The following COL4A2 variants were observed in gnomAD, a reference collection of about 807,000 sequenced individuals.
COL4A2 encodes collagen alpha-2(IV) chain.
A neutral mutation model predicts 200.2 loss-of-function variants in COL4A2; 99 were observed. That is an observed-to-expected ratio of 0.49 (90% CI 0.42 to 0.58). The LOEUF (loss-of-function observed/expected upper bound fraction) is 0.58, where lower values mean the gene tolerates loss of function less well. Among genes scored for constraint, COL4A2 ranks in the 20% least tolerant of loss-of-function variants. The pLI is 0.00. For synonymous variants in COL4A2, 897 were observed against 900.6 expected (o/e 1.00, Z 0.07); for missense variants, 1,950 against 2,314.1 (o/e 0.84, Z 3.23).
intron 4 of COL4A2, among the ~76,000 whole-genome samples, chr13:110,384,924 C>T (rs769897267): frequency 2.0e-5 from 3 of 152,174 alleles, no homozygotes; most frequent in Non-Finnish European, 4.4e-5. Flanking sequence ...GATGAGGGTA[C>T]ACTGTAGGGA....
At position 110,438,001 on chromosome 13, in the gene COL4A2, G is replaced by C; in HGVS notation, c.826-1G>C. ...TTTCTTATTTTTCATATTCTTCACA[G>C]GGTGAAAAAGGCAGTGAGGGGGAAC... On this transcript the variant is annotated splice_acceptor_variant, in intron 13 of 47. Transcript: ENST00000360467. LOFTEE classifies it high-confidence loss of function. 1.2e-6 allele frequency: 2 copies of C among 1,612,194 alleles called. No homozygotes were observed. Among genetic ancestry groups the C allele is most frequent in the Non-Finnish European group, 1.7e-6 (2 of 1,178,482 alleles).
chr13:110,485,601 G>C (rs1883092531), intron 33 of COL4A2, 54 bp from the exon 34 acceptor site: 1 of 1,432,806 alleles, frequency 7.0e-7, no homozygotes, highest in Non-Finnish European at 9.5e-7. Flanking sequence ...TTGAAAACTG[G>C]AGGGCGGGTG....
chr13:110,441,747 AAATTAT>A (rs1420848057), intron 16 of COL4A2, among the ~76,000 whole-genome samples: 2 of 152,152 alleles, frequency 1.3e-5, no homozygotes, highest in Non-Finnish European at 2.9e-5. Flanking sequence ...TGTGCTGGTA[AAATTAT>A]AATTATCTTT....
At chr13:110,386,550 G>T (rs1878760031) in intron 4 of COL4A2, among the ~76,000 whole-genome samples, 1 of 152,158 alleles carries the variant, frequency 6.6e-6, no homozygotes. Context: ...GTTTTATGTG[G>T]AGTTTATAAG....
chr13:110,485,785 G>C lies in COL4A2; in HGVS notation c.3156G>C (p.Gly1052=). 6.2e-7 allele frequency: 1 copy of C among 1,613,898 alleles called. No individual in the cohort carries two copies. Among genetic ancestry groups the C allele is most frequent in the Non-Finnish European group, 8.5e-7 (1 of 1,179,940 alleles). Residue 1052 remains glycine, a synonymous_variant, in exon 34 of 48, where the codon GGG becomes GGC. Transcript: ENST00000360467. ...TCCCCGGTTTGCCAGGATTCCCTGGGGTGGCTGGCCCCCCTGGAATTACGG... is the reference window on the plus strand; with the variant it reads ...TCCCCGGTTTGCCAGGATTCCCTGGCGTGGCTGGCCCCCCTGGAATTACGG... ...PGIPGLPGFP[G]VAGPPGITGF...
chr13:110,465,280 C>T, intron 24 of COL4A2, 125 bp from the exon 25 acceptor site: 1 of 1,261,438 alleles, frequency 7.9e-7, no homozygotes, highest in Non-Finnish European at 1.1e-6. Flanking sequence ...TCCTGTTCAT[C>T]TCTGTTGTCT....
At chr13:110,327,483 G>C (rs1195625448) in intron 3 of COL4A2, among the ~76,000 whole-genome samples, 3 of 152,216 alleles carry the variant, frequency 2.0e-5, no homozygotes, top group Non-Finnish European at 4.4e-5. Context: ...ATATAACTCT[G>C]CATTTTACAT....
chr13:110,362,051 C>T (rs1877539300), intron 4 of COL4A2, among the ~76,000 whole-genome samples: 1 of 152,162 alleles, frequency 6.6e-6, no homozygotes, highest in Admixed American at 6.5e-5. Flanking sequence ...ACTCCTCTTC[C>T]CATATGTCAG....
intron 3 of COL4A2, among the ~76,000 whole-genome samples, chr13:110,331,590 C>T (rs376628395): frequency 1.1e-4 from 16 of 152,252 alleles, no homozygotes; most frequent in African/African-American, 2.2e-4. Flanking sequence ...CACAGACCGC[C>T]GGCAGCTCTT....
At chr13:110,412,626 C>A (rs1304441148) in intron 4 of COL4A2, among the ~76,000 whole-genome samples, 1 of 152,244 alleles carries the variant, frequency 6.6e-6, no homozygotes, top group African/African-American at 2.4e-5. Context: ...AAACTCACCC[C>A]TTCCCTCCAT....
chr13:110,492,598 A>G (rs1013436478), intron 38 of COL4A2, among the ~76,000 whole-genome samples: 1 of 152,222 alleles, frequency 6.6e-6, no homozygotes, highest in Admixed American at 6.5e-5. Flanking sequence ...CATGTAACAG[A>G]AGGAATTGCC....
chr13:110,398,188 A>G (rs1879248309), intron 4 of COL4A2, among the ~76,000 whole-genome samples: 1 of 146,770 alleles, frequency 6.8e-6, no homozygotes, highest in East Asian at 2.0e-4. Context: ...CTATTTTTAC[A>G]TGTTCCTTTA....
chr13:110,498,140 T>C (rs1883524929), intron 40 of COL4A2, among the ~76,000 whole-genome samples: 1 of 152,270 alleles, frequency 6.6e-6, no homozygotes, highest in Non-Finnish European at 1.5e-5. Context: ...TTTCACCATG[T>C]GACCTTGGCC....
At chr13:110,356,878 G>A (rs1877295843) in intron 3 of COL4A2, among the ~76,000 whole-genome samples, 1 of 151,476 alleles carries the variant, frequency 6.6e-6, no homozygotes, top group Admixed American at 6.6e-5. Flanking sequence ...CGATTTTCCT[G>A]CCTCAGCCTC....
intron 8 of COL4A2, 24 bp downstream of exon 8, chr13:110,429,980 G>A (rs1310942397): frequency 3.2e-6 from 5 of 1,550,530 alleles, no homozygotes; most frequent in South Asian, 1.2e-5. Flanking sequence ...AGATGGGAGG[G>A]GTAATGAAGG....
chr13:110,505,882 G>A (rs552576959), intron 45 of COL4A2, among the ~76,000 whole-genome samples: 2 of 152,278 alleles, frequency 1.3e-5, no homozygotes, highest in Admixed American at 6.5e-5. Context: ...CATCCTGAGG[G>A]GCACATGCCT....
chr13:110,391,518 T>A (rs1169127089), intron 4 of COL4A2, among the ~76,000 whole-genome samples: 1 of 152,228 alleles, frequency 6.6e-6, no homozygotes, highest in African/African-American at 2.4e-5. Flanking sequence ...ATTCTTTGTC[T>A]GAGTCATTAA....
chr13:110,424,651 A>AAAAATT, intron 4 of COL4A2, 83 bp from the exon 5 acceptor site: 2 of 911,796 alleles, frequency 2.2e-6, no homozygotes, highest in Non-Finnish European at 3.3e-6. Context: ...AAAAAAAAAA[A>AAAAATT]TGTAGTTTTG....
intron 4 of COL4A2, among the ~76,000 whole-genome samples, chr13:110,409,804 G>C (rs1879758969): frequency 6.6e-6 from 1 of 152,170 alleles, no homozygotes; most frequent in Non-Finnish European, 1.5e-5. Context: ...TTGCGGATGT[G>C]TGTTCAGCAT....
Sources: allele counts gnomAD v4.1 joint callset (sites outside exome capture counted in the v4.1 genomes callset), GRCh38; gene constraint gnomAD v4.1.1; transcripts MANE v1.5; gene names NCBI Gene and HGNC (gene_info 2026-07-23, HGNC 2026-07-21).